The following CACNA1S variants were observed in gnomAD, a reference collection of about 807,000 sequenced individuals.
The protein encoded by CACNA1S is calcium voltage-gated channel subunit alpha1 S.
In CACNA1S, 126 loss-of-function variants were observed where a neutral mutation model predicts 207.4. The observed-to-expected ratio is 0.61, with a 90% CI of 0.53 to 0.70. The LOEUF (loss-of-function observed/expected upper bound fraction) is 0.70. CACNA1S is among the 30% of genes least tolerant of loss of function. The pLI, the probability that CACNA1S is intolerant of heterozygous loss-of-function variation, is 0.00. For missense variants in CACNA1S, 2,349 were observed against 2,422.8 expected (o/e 0.97, Z 0.64); for synonymous variants, 960 against 932.7 (o/e 1.03, Z -0.53).
Position 201,069,562 on chromosome 1 carries a change from C to A in CACNA1S, c.2400G>T (p.Trp800Cys). 6.4e-7 allele frequency: 1 copy of A among 1,569,014 alleles called. No individual in the cohort carries two copies. Among genetic ancestry groups the A allele is most frequent in the Non-Finnish European group, 8.6e-7 (1 of 1,156,404 alleles). Residue 800 changes from tryptophan to cysteine, a missense_variant, in exon 18 of 44, where the codon TGG becomes TGT. Physicochemically the swap from Trp to Cys is radical, Grantham distance 215. Transcript: ENST00000362061. ...VLCHRIVNAT[W>C]FTNFILLFIL... ...TGAAGAGCAGGATGAAGTTGGTAAACCAGGTGGCATTGACGATGCGGTGAC... is the reference window on the plus strand; with the variant it reads ...TGAAGAGCAGGATGAAGTTGGTAAAACAGGTGGCATTGACGATGCGGTGAC...
chr1:201,084,893 C>T lies in CACNA1S; in HGVS notation c.1232+57G>A, dbSNP rs937014417. ...TGAGGGGAAGTAACTGGACTCTACCCTCATGTCTCAGGGAGCTGGGGGTTG... is the reference window on the plus strand; with the variant it reads ...TGAGGGGAAGTAACTGGACTCTACCTTCATGTCTCAGGGAGCTGGGGGTTG... On this transcript the variant is annotated intron_variant, in intron 9 of 43. Coordinates refer to ENST00000362061, the MANE Select transcript of CACNA1S (RefSeq NM_000069.3). 1.7e-5 allele frequency: 21 copies of T among 1,201,060 alleles called. No individual in the cohort carries two copies. In the African/African-American group the frequency reaches 1.9e-4, roughly 11 times the overall value. The allele number at this position is 1,201,060 out of a possible 1,614,324, so 74.4% of individuals were successfully genotyped here.
In CACNA1S at chr1:201,112,153, A is replaced by G. The variant is rs559492859; in HGVS notation, c.152+35T>C. The G allele has an allele frequency of 7.0e-6, 11 of 1,579,152 alleles. No homozygotes were observed. The East Asian group carries it at 2.5e-4, about 36-fold the overall frequency. On this transcript the variant is annotated intron_variant, in intron 1 of 43. Transcript: ENST00000362061. The stretch of plus-strand genomic sequence containing the variant: ...ACCCCGAATCCCTCCCTCATGACGC[A>G]CACCCCCCCCCACGGCCCGGGCCCT...
chr1:201,101,888 CA>C lies in CACNA1S; in HGVS notation c.259-7868del, dbSNP rs749697405. On this transcript the variant is annotated intron_variant, in intron 2 of 43. Transcript: ENST00000362061. ...TTGCAACATTAACTCCTAACAAGTC[CA>C]AAAAAAAAAAAGTACAAGAAGAAAA... Among the ~76,000 whole-genome samples, 357 of 143,144 alleles carry C rather than the reference CA, an allele frequency of 2.5e-3. 1 individual carries two copies. The highest frequency in any genetic ancestry group is 3.6e-3 in the Middle Eastern group (1 of 274). The allele number at this position is 143,144 out of a possible 152,430, so 93.9% of individuals were successfully genotyped here. A position where few individuals can be genotyped will look rare whatever the true frequency, so the allele number is the denominator to read the frequency against.
At chr1:201,043,071 T>G (rs1185609811) in intron 40 of CACNA1S, 1 of 590,402 alleles carries the variant, frequency 1.7e-6, no homozygotes, top group Admixed American at 2.8e-5. Flanking sequence ...GGGCCAATAC[T>G]GACATGATGT....
At chr1:201,040,831 G>A (rs1054257803) in intron 41 of CACNA1S, 118 bp from the exon 42 acceptor site, 4 of 758,492 alleles carry the variant, frequency 5.3e-6, no homozygotes, top group Non-Finnish European at 6.8e-6. Context: ...AGATTCTCAG[G>A]GCTGCAGAAG....
intron 2 of CACNA1S, among the ~76,000 whole-genome samples, chr1:201,094,686 C>T (rs1245261469): frequency 6.6e-6 from 1 of 152,132 alleles, no homozygotes; most frequent in East Asian, 1.9e-4. Context: ...CCCACCTGCC[C>T]TCACATTGGC....
rs189397755 is a variant in CACNA1S at position 201,088,534 on chromosome 1, C to G, written c.901-605G>C. Among the ~76,000 whole-genome samples, 14 of 152,286 alleles carry G rather than the reference C, an allele frequency of 9.2e-5. No individual in the cohort carries two copies. In the East Asian group the frequency reaches 2.7e-3, roughly 29 times the overall value. On this transcript the variant is annotated intron_variant, in intron 6 of 43. Transcript: ENST00000362061. ...ACAATCCCCCCACCCCCACAATAGGCGGCGTCATATTGTGGTTAATTCTGG... is the reference window on the plus strand; with the variant it reads ...ACAATCCCCCCACCCCCACAATAGGGGGCGTCATATTGTGGTTAATTCTGG...
intron 2 of CACNA1S, among the ~76,000 whole-genome samples, chr1:201,104,779 GA>G (rs1662811748): frequency 6.6e-6 from 1 of 152,226 alleles, no homozygotes; most frequent in East Asian, 1.9e-4. Context: ...TAGGAAGTCT[GA>G]TAATTGTTTT....
chr1:201,048,289 C>G (rs1460285604), intron 36 of CACNA1S, among the ~76,000 whole-genome samples: 4 of 152,208 alleles, frequency 2.6e-5, no homozygotes, highest in Admixed American at 2.6e-4. Context: ...CTGCTCACAG[C>G]CAAACTGCAG....
chr1:201,084,832 C>G (rs888621152), intron 9 of CACNA1S, 118 bp downstream of exon 9: 2 of 763,004 alleles, frequency 2.6e-6, no homozygotes, highest in East Asian at 5.0e-5. Flanking sequence ...AAAAGGCTGC[C>G]TTTCTAAAGG....
chr1:201,047,443 T>A, intron 37 of CACNA1S, 82 bp downstream of exon 37: 1 of 1,336,752 alleles, frequency 7.5e-7, no homozygotes, highest in South Asian at 1.2e-5. Flanking sequence ...CGTTCTCAGA[T>A]TCCCATGGGG....
At position 201,110,158 on chromosome 1, in the gene CACNA1S, T is replaced by C. The variant is rs376899610; in HGVS notation, c.258+6A>G. On this transcript the variant is annotated splice_donor_region_variant and intron_variant, in intron 2 of 43. Transcript: ENST00000362061. Reference sequence around the variant, plus strand: ...GCAGGAAGGGAGATGGAAGGGCCAATCTTACCAGGCCGAGGTTCAGAGAGT... The same window carrying C: ...GCAGGAAGGGAGATGGAAGGGCCAACCTTACCAGGCCGAGGTTCAGAGAGT... 3.4e-5 allele frequency: 55 copies of C among 1,613,518 alleles called. No homozygotes were observed. In the African/African-American group the frequency reaches 7.2e-4, roughly 21 times the overall value.
intron 2 of CACNA1S, among the ~76,000 whole-genome samples, chr1:201,099,815 TG>T (rs1662570165): frequency 1.3e-5 from 2 of 152,346 alleles, no homozygotes; most frequent in Non-Finnish European, 2.9e-5. Flanking sequence ...ACAGCTGGAC[TG>T]GGCCCCCTTG....
In CACNA1S at chr1:201,061,380, A is replaced by G. The variant is rs1661042584; in HGVS notation, c.3142T>C (p.Tyr1048His). Reference protein sequence around the residue: ...RVEMAIFFIIYIILIAFFMMN... With the variant: ...RVEMAIFFIIHIILIAFFMMN... ...ATGAAGAAGGCAATGAGGATGATGT[A>G]GATGATGAAGAAGATGGCCATCTCC... The change falls in exon 25 of 44, where the codon TAC (tyrosine) becomes CAC (histidine). Residue 1048 changes from tyrosine to histidine, a missense_variant. Transcript: ENST00000362061. 1.2e-6 allele frequency: 2 copies of G among 1,614,088 alleles called. No individual in the cohort carries two copies. Among genetic ancestry groups the G allele is most frequent in the African/African-American group, 1.3e-5 (1 of 74,934 alleles).
intron 8 of CACNA1S, 98 bp from the exon 9 acceptor site, chr1:201,085,129 A>T (rs1661990515): frequency 8.1e-6 from 7 of 859,626 alleles, no homozygotes; most frequent in Non-Finnish European, 1.4e-5. Flanking sequence ...TTGACCAGAG[A>T]CATCTGCAAC....
chr1:201,095,919 TGGGA>T (rs1158410324), intron 2 of CACNA1S, among the ~76,000 whole-genome samples: 5 of 152,206 alleles, frequency 3.3e-5, no homozygotes, highest in Non-Finnish European at 7.3e-5. Flanking sequence ...ACAGGTTTCC[TGGGA>T]GTCAGGCACA....
chr1:201,103,384 G>T (rs1285019425), intron 2 of CACNA1S, among the ~76,000 whole-genome samples: 2 of 152,158 alleles, frequency 1.3e-5, no homozygotes. Flanking sequence ...GTCCTTTCCT[G>T]CGACTCCCCA....
At chr1:201,041,121 A>G (rs1041854681) in intron 41 of CACNA1S, among the ~76,000 whole-genome samples, 3 of 152,140 alleles carry the variant, frequency 2.0e-5, no homozygotes, top group Non-Finnish European at 2.9e-5. Context: ...CTACAAGATC[A>G]TTTGCAGAAG....
In CACNA1S at chr1:201,043,485, G is replaced by T; in HGVS notation, c.4844C>A (p.Thr1615Asn). 6.2e-7 allele frequency: 1 copy of T among 1,614,052 alleles called. No individual in the cohort carries two copies. Among genetic ancestry groups the T allele is most frequent in the Non-Finnish European group, 8.5e-7 (1 of 1,179,988 alleles). Residue 1615 changes from threonine to asparagine, a missense_variant, in exon 40 of 44, where the codon ACC (threonine) becomes AAC (asparagine). Coordinates refer to ENST00000362061, the MANE Select transcript of CACNA1S (RefSeq NM_000069.3). ...GGCCATGACGGGGGGCAGGGAGTTG[G>T]TCCTTTCCAGGAAGTTGTCCACCTG... ...FGQVDNFLER[T>N]NSLPPVMANQ...
Sources: gnomAD v4.1 joint callset for allele counts (sites outside exome capture counted in the v4.1 genomes callset) on GRCh38, gnomAD v4.1.1 for gene constraint, MANE v1.5 for transcripts, NCBI Gene and HGNC (gene_info 2026-07-23, HGNC 2026-07-21) for gene names.